Variants in SLC8A1 observed in about 807,000 individuals in gnomAD.
The protein encoded by SLC8A1 is solute carrier family 8 member A1.
SLC8A1 carries 18 observed loss-of-function variants against 68.3 expected under a neutral mutation model. The observed-to-expected ratio is 0.26, with a 90% CI of 0.18 to 0.39. The LOEUF (loss-of-function observed/expected upper bound fraction) is 0.39. SLC8A1 is among the 10% of genes least tolerant of loss of function. The pLI is 1.00. For missense variants in SLC8A1, 985 were observed against 1,156.7 expected (o/e 0.85, Z 2.15); for synonymous variants, 475 against 415.5 (o/e 1.14, Z -1.74).
exon 8 of SLC8A1, chr2:40,101,221 T>C (rs1216423021): frequency 2.0e-5 from 3 of 152,176 alleles, no homozygotes; most frequent in African/African-American, 7.2e-5. Context: ...CCAGCTACTG[T>C]ATACATCATC....
exon 7 of SLC8A1, chr2:40,139,618 G>A (rs113881317): frequency 4.8e-5 from 78 of 1,614,012 alleles, no homozygotes; most frequent in Non-Finnish European, 6.3e-5. Flanking sequence ...AGTGCATCAC[G>A]TAATCGAAAC....
At chr2:40,340,108 G>C (rs1446397535) in intron 2 of SLC8A1, among the ~76,000 whole-genome samples, 1 of 152,154 alleles carries the variant, frequency 6.6e-6, no homozygotes, top group African/African-American at 2.4e-5. Context: ...ATTAAAATTT[G>C]ACTCTTTCTT....
intron 2 of SLC8A1, among the ~76,000 whole-genome samples, chr2:40,373,102 T>G (rs1678684818): frequency 6.6e-6 from 1 of 152,140 alleles, no homozygotes; most frequent in African/African-American, 2.4e-5. Context: ...TAAAAATGTT[T>G]ATAATCATCA....
intron 2 of SLC8A1, among the ~76,000 whole-genome samples, chr2:40,194,576 G>A (rs749701524): frequency 2.6e-5 from 4 of 151,778 alleles, no homozygotes; most frequent in Non-Finnish European, 5.9e-5. Context: ...AAAATGTCTT[G>A]AGTTTTATGA....
At chr2:40,151,779 T>C (rs372503970) in intron 6 of SLC8A1, among the ~76,000 whole-genome samples, 1 of 152,222 alleles carries the variant, frequency 6.6e-6, no homozygotes, top group Non-Finnish European at 1.5e-5. Context: ...GGAAAAAAGC[T>C]TCTCTTTAGG....
intron 2 of SLC8A1, among the ~76,000 whole-genome samples, chr2:40,245,760 A>G (rs2148992660): frequency 6.6e-6 from 1 of 152,314 alleles, no homozygotes; most frequent in East Asian, 1.9e-4. Context: ...ACACATTTTA[A>G]AACCAAGACA....
chr2:40,400,082 A>G (rs1242096176), intron 2 of SLC8A1, among the ~76,000 whole-genome samples: 1 of 152,166 alleles, frequency 6.6e-6, no homozygotes, highest in Non-Finnish European at 1.5e-5. Flanking sequence ...TGCTTGCTCA[A>G]TCGATCACGA....
intron 2 of SLC8A1, among the ~76,000 whole-genome samples, chr2:40,315,988 G>A (rs969700754): frequency 1.3e-5 from 2 of 152,010 alleles, no homozygotes; most frequent in African/African-American, 4.8e-5. Context: ...GACCTTCTAT[G>A]TAGAAAATAG....
intron 2 of SLC8A1, among the ~76,000 whole-genome samples, chr2:40,395,711 T>A (rs1686700091): frequency 6.6e-6 from 1 of 152,042 alleles, no homozygotes; most frequent in Non-Finnish European, 1.5e-5. Flanking sequence ...CTGCTTATTA[T>A]CAGAGTGATA....
chr2:40,263,386 C>T (rs551939298), intron 2 of SLC8A1, among the ~76,000 whole-genome samples: 119 of 152,340 alleles, frequency 7.8e-4, no homozygotes, highest in African/African-American at 2.7e-3. Flanking sequence ...AAAGAGCCCA[C>T]ATTGCCAAGT....
At chr2:40,370,248 C>T (rs187056820) in intron 2 of SLC8A1, among the ~76,000 whole-genome samples, 5 of 152,270 alleles carry the variant, frequency 3.3e-5, no homozygotes, top group Non-Finnish European at 7.4e-5. Context: ...ACCATAACCT[C>T]AGTTGGTGAG....
Position 40,240,112 on chromosome 2 carries a change from T to C in SLC8A1, c.1809-62257A>G, listed in dbSNP as rs187965299. ...CTGATGATGAATTGGGACTCCAGTA[T>C]ATCATTTTGTGCACACAGTTATGGC... On this transcript the variant is annotated intron_variant, in intron 2 of 7. Coordinates refer to ENST00000406785, the Ensembl canonical transcript of SLC8A1. Among the ~76,000 whole-genome samples the C allele has an allele frequency of 9.6e-4, 146 of 152,328 alleles. 2 individuals carry two copies. The East Asian group carries it at 0.024, about 25-fold the overall frequency.
At chr2:40,112,412 A>G (rs2034650134) in exon 8 of SLC8A1, 1 of 152,060 alleles carries the variant, frequency 6.6e-6, no homozygotes, top group Non-Finnish European at 1.5e-5. Context: ...ACAATCCTGA[A>G]CAACCAGAAT....
In SLC8A1 at chr2:40,177,392, C is replaced by T. The variant is rs146590533; in HGVS notation, c.1912+360G>A. Among the ~76,000 whole-genome samples, 5 of 152,128 alleles carry T rather than the reference C, an allele frequency of 3.3e-5. No individual in the cohort carries two copies. The South Asian group carries it at 8.3e-4, about 25-fold the overall frequency. On this transcript the variant is annotated intron_variant, in intron 3 of 7. Transcript: ENST00000406785. ...AGGTATGATTGATGAGGTATTAAGT[C>T]GTCTTTATCACTAAAATTTTAGGGA...
chr2:40,463,833 CACACAT>C (rs1367435937), intron 1 of SLC8A1, among the ~76,000 whole-genome samples: 156 of 112,118 alleles, frequency 1.4e-3, no homozygotes, highest in East Asian at 2.6e-3. Flanking sequence ...CATACACACA[CACACAT>C]ACACACACAC....
intron 2 of SLC8A1, among the ~76,000 whole-genome samples, chr2:40,424,425 A>G (rs1196016692): frequency 6.6e-6 from 1 of 151,812 alleles, no homozygotes; most frequent in African/African-American, 2.4e-5. Context: ...TTTTCCCTGG[A>G]ATATAATAAT....
rs553510524 is a variant in SLC8A1 at position 40,458,753 on chromosome 2, G to A, written c.-24-28449C>T. Among the ~76,000 whole-genome samples, 9 of 152,228 alleles carry A rather than the reference G, an allele frequency of 5.9e-5. No individual in the cohort carries two copies. The East Asian group carries it at 1.5e-3, about 26-fold the overall frequency. ...CAGTTATCTCAGGAATTACTTCTAA[G>A]CTCTTATTTGGACCAATTTGTGACT... On this transcript the variant is annotated intron_variant, in intron 1 of 7. Coordinates refer to the SLC8A1 transcript ENST00000402441.
chr2:40,284,361 A>T lies in SLC8A1; in HGVS notation c.1809-106506T>A, dbSNP rs939887109. Among the ~76,000 whole-genome samples the T allele has an allele frequency of 4.7e-5, 7 of 147,484 alleles. No individual in the cohort carries two copies. The East Asian group carries it at 1.4e-3, about 29-fold the overall frequency. Reference sequence around the variant, plus strand: ...TCTCTATATAAATATATATAGATATATACATATATTTATGTATGATATATG... The same window carrying T: ...TCTCTATATAAATATATATAGATATTTACATATATTTATGTATGATATATG... On this transcript the variant is annotated intron_variant, in intron 2 of 7. Transcript: ENST00000406785.
exon 8 of SLC8A1, chr2:40,105,105 A>C (rs1451672664): frequency 6.6e-6 from 1 of 152,152 alleles, no homozygotes; most frequent in African/African-American, 2.4e-5. Flanking sequence ...TAATTCTCCA[A>C]GGAGAATTAG....
Sources: gnomAD v4.1 joint callset for allele counts (sites outside exome capture counted in the v4.1 genomes callset) on GRCh38, gnomAD v4.1.1 for gene constraint, MANE v1.5 for transcripts, NCBI Gene and HGNC (gene_info 2026-07-23, HGNC 2026-07-21) for gene names.